EVC: variants seen among roughly 807,000 people sequenced by gnomAD.
EVC encodes the protein EvC ciliary complex subunit 1.
Under a neutral mutation model 118.9 loss-of-function variants are expected in EVC, and 116 were observed. The observed-to-expected ratio is 0.98, with a 90% CI of 0.84 to 1.14. The LOEUF (loss-of-function observed/expected upper bound fraction) is 1.14. EVC is among the 50% of genes most tolerant of loss of function. The probability of loss-of-function intolerance (pLI) is 0.00; values close to 1 mark genes in which losing one functional copy is unlikely to be tolerated. For missense variants in EVC, 1,401 were observed against 1,246.4 expected (o/e 1.12, Z -1.87); for synonymous variants, 619 against 534.7 (o/e 1.16, Z -2.18).
chr4:5,759,056 AG>A (rs1206847857), intron 11 of EVC, among the ~76,000 whole-genome samples: 2 of 125,274 alleles, frequency 1.6e-5, no homozygotes, highest in African/African-American at 5.9e-5. Context: ...ATTATTAGTA[AG>A]CATGTTGTGG....
the EVC span, chr4:5,825,019 T>C: frequency 2.0e-6 from 2 of 985,184 alleles, no homozygotes; most frequent in Non-Finnish European, 2.4e-6. The surrounding 1 kb of genome is among the most constrained non-coding windows in gnomAD (Gnocchi z 4.4). Flanking sequence ...AAATAGGGTA[T>C]AATGTTACTT....
At chr4:5,786,085 A>G (rs1560406448) in intron 12 of EVC, among the ~76,000 whole-genome samples, 1 of 152,202 alleles carries the variant, frequency 6.6e-6, no homozygotes. Flanking sequence ...GGGCTGTGTG[A>G]CTTTAGCCAG....
chr4:5,721,904 A>G (rs1196361609), intron 2 of EVC, among the ~76,000 whole-genome samples: 1 of 152,190 alleles, frequency 6.6e-6, no homozygotes, highest in Non-Finnish European at 1.5e-5. Flanking sequence ...TGATGGCTGC[A>G]CATATCTGAA....
chr4:5,737,030 A>T lies in EVC; in HGVS notation c.702+3595A>T, dbSNP rs1177881215. The stretch of plus-strand genomic sequence containing the variant: ...ACACAGCCAAGTTGTGAATGCAAAG[A>T]AAAAGTTCTTGAAGGAAATTAAAAG... On this transcript the variant is annotated intron_variant, in intron 5 of 20. Transcript: ENST00000264956. This position sits in a 1 kb window ranked among gnomAD's most constrained non-coding sequence, Gnocchi z 5.0. Among the ~76,000 whole-genome samples, 1 of 152,252 alleles carries T rather than the reference A, an allele frequency of 6.6e-6. No individual in the cohort carries two copies. Among genetic ancestry groups the T allele is most frequent in the East Asian group, 1.9e-4 (1 of 5,194 alleles).
At chr4:5,769,238 T>C (rs781231925) in intron 11 of EVC, among the ~76,000 whole-genome samples, 1 of 152,052 alleles carries the variant, frequency 6.6e-6, no homozygotes. Context: ...AGAGAGAGCA[T>C]GTGCAGGGGA....
At chr4:5,714,246 A>G (rs531062531) in intron 1 of EVC, among the ~76,000 whole-genome samples, 50 of 151,362 alleles carry the variant, frequency 3.3e-4, no homozygotes, top group African/African-American at 1.2e-3. Flanking sequence ...CCAAGTCACA[A>G]TTTTATCTTG....
At chr4:5,772,147 C>T (rs1042190044) in intron 11 of EVC, among the ~76,000 whole-genome samples, 1 of 152,152 alleles carries the variant, frequency 6.6e-6, no homozygotes, top group Non-Finnish European at 1.5e-5. Flanking sequence ...CCGCCCGCCT[C>T]GGCATCCCAC....
At position 5,798,757 on chromosome 4, in the gene EVC, A is replaced by C; in HGVS notation, c.2269A>C (p.Thr757Pro). 6.2e-7 allele frequency: 1 copy of C among 1,611,264 alleles called. No individual in the cohort carries two copies. ...ALLVHARNAATKSRAKDRDDF... is the reference protein window; with the variant it reads ...ALLVHARNAAPKSRAKDRDDF... ...GCTGGTGCATGCACGGAATGCAGCCACCAAGAGCCGGGCCAAGGACAGGGA... is the reference window on the plus strand; with the variant it reads ...GCTGGTGCATGCACGGAATGCAGCCCCCAAGAGCCGGGCCAAGGACAGGGA... Residue 757 changes from threonine to proline, a missense_variant, in exon 15 of 21, where the codon ACC becomes CCC. Coordinates refer to ENST00000264956, the MANE Select transcript of EVC (RefSeq NM_153717.3). The surrounding 1 kb of genome is among the most constrained non-coding windows in gnomAD (Gnocchi z 4.1).
intron 12 of EVC, among the ~76,000 whole-genome samples, chr4:5,786,158 CCTT>C (rs1278178268): frequency 2.6e-5 from 4 of 152,224 alleles, no homozygotes; most frequent in African/African-American, 9.7e-5. Context: ...CAGAACTACA[CCTT>C]CTATGTGAAA....
In EVC at chr4:5,758,274, C is replaced by T. The variant is rs114900839; in HGVS notation, c.1563+1912C>T. Reference sequence around the variant, plus strand: ...ACCTTGGTTTCATACTAATGCCCTCCGGAACGGTGAGAGAATAAACTTCGT... The same window carrying T: ...ACCTTGGTTTCATACTAATGCCCTCTGGAACGGTGAGAGAATAAACTTCGT... On this transcript the variant is annotated intron_variant, in intron 11 of 20. Coordinates refer to ENST00000264956, the MANE Select transcript of EVC (RefSeq NM_153717.3). 2.1e-3 allele frequency: 1,249 copies of T among 581,940 alleles called. 9 individuals carry two copies. Among genetic ancestry groups the T allele is most frequent in the African/African-American group, 0.021 (1,113 of 53,084 alleles). The allele number at this position is 581,940 out of a possible 1,614,324, so 36.0% of individuals were successfully genotyped here.
At chr4:5,808,937 CAG>C (rs1560446781) in intron 18 of EVC, among the ~76,000 whole-genome samples, 1 of 152,132 alleles carries the variant, frequency 6.6e-6, no homozygotes, top group Non-Finnish European at 1.5e-5. Flanking sequence ...ATGGCAGTCG[CAG>C]AGTGACAGTG....
the EVC span, chr4:5,828,025 G>C: frequency 1.0e-6 from 1 of 984,968 alleles, no homozygotes; most frequent in Non-Finnish European, 1.2e-6. Context: ...AGAAAGGGCG[G>C]ATCTGAAGGA....
chr4:5,725,951 G>A (rs940434071), intron 2 of EVC, among the ~76,000 whole-genome samples: 1 of 152,204 alleles, frequency 6.6e-6, no homozygotes, highest in Non-Finnish European at 1.5e-5. Flanking sequence ...TGAGTTGTAA[G>A]GTACAGAGAA....
Position 5,798,867 on chromosome 4 carries a change from C to G in EVC, c.2304+75C>G. 6.9e-7 allele frequency: 1 copy of G among 1,453,570 alleles called. No homozygotes were observed. The highest frequency in any genetic ancestry group is 9.5e-7 in the Non-Finnish European group (1 of 1,056,346). The allele number at this position is 1,453,570 out of a possible 1,614,324, so 90.0% of individuals were successfully genotyped here. On this transcript the variant is annotated intron_variant, in intron 15 of 20. Coordinates refer to ENST00000264956, the MANE Select transcript of EVC (RefSeq NM_153717.3). This position sits in a 1 kb window ranked among gnomAD's most constrained non-coding sequence, Gnocchi z 4.1. Reference sequence around the variant, plus strand: ...GGTAGGGTCCATGCCTGGGTCTGCTCCTTGCCACACCGTTCATGGAGCTTG... The same window carrying G: ...GGTAGGGTCCATGCCTGGGTCTGCTGCTTGCCACACCGTTCATGGAGCTTG...
At chr4:5,807,796 C>G (rs375243082) in intron 17 of EVC, among the ~76,000 whole-genome samples, 12 of 152,222 alleles carry the variant, frequency 7.9e-5, no homozygotes, top group Middle Eastern at 3.2e-3. Flanking sequence ...CAGGAGAATG[C>G]TCCTCCCTGG....
intron 2 of EVC, among the ~76,000 whole-genome samples, chr4:5,722,476 G>A (rs751431929): frequency 1.3e-5 from 2 of 152,172 alleles, no homozygotes; most frequent in Non-Finnish European, 1.5e-5. Flanking sequence ...CTTTGGCCCA[G>A]TGGATCGAGC....
the EVC span, chr4:5,821,890 T>C: frequency 8.1e-6 from 12 of 1,474,134 alleles, no homozygotes; most frequent in Admixed American, 2.3e-4. This position sits in a 1 kb window ranked among gnomAD's most constrained non-coding sequence, Gnocchi z 4.4. Flanking sequence ...TGGGATCTGT[T>C]AGCATCAGTT....
At chr4:5,828,785 C>A in the EVC span, 6 of 1,236,176 alleles carry the variant, frequency 4.9e-6, no homozygotes, top group Non-Finnish European at 5.5e-6. Flanking sequence ...TTTTTTTTCT[C>A]TCTAAAAATA....
rs73077526 is a variant in EVC, at chr4:5,803,805, T to C, written c.2450-925T>C. Reference sequence around the variant, plus strand: ...GTGATGGGCCTCCTGCCGTGGCCACTGATCCTTGAGTGGGTTTTCAGCTGA... The same window carrying C: ...GTGATGGGCCTCCTGCCGTGGCCACCGATCCTTGAGTGGGTTTTCAGCTGA... On this transcript the variant is annotated intron_variant, in intron 16 of 20. Coordinates refer to ENST00000264956, the MANE Select transcript of EVC (RefSeq NM_153717.3). 6.9e-3 allele frequency among the ~76,000 whole-genome samples: 1,056 copies of C among 152,354 alleles called. 10 individuals carry two copies. Among genetic ancestry groups the C allele is most frequent in the African/African-American group, 0.024 (996 of 41,580 alleles).
Sources: gnomAD v4.1 joint callset for allele counts (sites outside exome capture counted in the v4.1 genomes callset) on GRCh38, gnomAD v4.1.1 for gene constraint, Gnocchi (gnomAD v3.1) non-coding constraint, MANE v1.5 for transcripts, NCBI Gene and HGNC (gene_info 2026-07-23, HGNC 2026-07-21) for gene names.